Variants in KLHDC10 observed in about 807,000 individuals in gnomAD.
The protein encoded by KLHDC10 is kelch domain containing 10, also known as kelch domain-containing protein 10.
KLHDC10 carries 24 observed loss-of-function variants against 56.1 expected under a neutral mutation model. That is an observed-to-expected ratio of 0.43 (90% CI 0.31 to 0.60). The LOEUF is 0.60. Ranked by LOEUF, KLHDC10 falls within the 20% of genes least tolerant of loss-of-function variation. KLHDC10 has a pLI of 0.11. For missense variants in KLHDC10, 349 were observed against 567.0 expected (o/e 0.62, Z 3.91); for synonymous variants, 188 against 207.1 (o/e 0.91, Z 0.79).
Position 130,133,156 on chromosome 7 carries a change from C to G in KLHDC10, c.*2410C>G, listed in dbSNP as rs1486803881. ...ATGACCAGCACTGAGTGCTATAGAACCACACATGTGTACATGTTCTGGATG... is the reference window on the plus strand; with the variant it reads ...ATGACCAGCACTGAGTGCTATAGAAGCACACATGTGTACATGTTCTGGATG... On this transcript the variant is annotated 3_prime_UTR_variant, in exon 10 of 10. Transcript: ENST00000335420. 6.6e-6 allele frequency: 1 copy of G among 152,170 alleles called. No individual in the cohort carries two copies. The allele number at this position is 152,170 out of a possible 1,614,324, so 9.4% of individuals were successfully genotyped here. A position where few individuals can be genotyped will look rare whatever the true frequency, so the allele number is the denominator to read the frequency against.
In KLHDC10 at chr7:130,072,098, C is replaced by T. The variant is rs548435400; in HGVS notation, c.166+1289C>T. Among the ~76,000 whole-genome samples the T allele has an allele frequency of 2.0e-5, 3 of 152,088 alleles. No homozygotes were observed. In the East Asian group the frequency reaches 5.8e-4, roughly 29 times the overall value. Reference sequence around the variant, plus strand: ...GAATTGCTAAATATACGATCTTTAACATGAAAAAGAAAAAAGGAGCAATCT... The same window carrying T: ...GAATTGCTAAATATACGATCTTTAATATGAAAAAGAAAAAAGGAGCAATCT... On this transcript the variant is annotated intron_variant, in intron 1 of 9. Transcript: ENST00000335420.
intron 2 of KLHDC10, among the ~76,000 whole-genome samples, chr7:130,104,470 T>C (rs1795981497): frequency 6.6e-6 from 1 of 152,216 alleles, no homozygotes; most frequent in African/African-American, 2.4e-5. Context: ...ACTGCAAGCA[T>C]ATATAACATT....
chr7:130,126,161 CA>C (rs200650852), intron 7 of KLHDC10, among the ~76,000 whole-genome samples: 4,266 of 151,792 alleles, frequency 0.028, 197 homozygotes, highest in African/African-American at 0.098. Flanking sequence ...ACAAAAAATA[CA>C]AAAAAATTTG....
chr7:130,125,854 T>G lies in KLHDC10; in HGVS notation c.865-11T>G, dbSNP rs758839706. Reference sequence around the variant, plus strand: ...TTTATGTATGTGTATATGTTCTTTTTTTTCTCCAAGATCCATGCATACAAC... The same window carrying G: ...TTTATGTATGTGTATATGTTCTTTTGTTTCTCCAAGATCCATGCATACAAC... On this transcript the variant is annotated splice_polypyrimidine_tract_variant and intron_variant, in intron 6 of 9. Coordinates refer to ENST00000335420, the MANE Select transcript of KLHDC10 (RefSeq NM_014997.4). 6.3e-7 allele frequency: 1 copy of G among 1,586,422 alleles called. No individual in the cohort carries two copies. The highest frequency in any genetic ancestry group is 2.2e-5 in the East Asian group (1 of 44,560).
chr7:130,103,211 G>A (rs1231546611), intron 2 of KLHDC10, among the ~76,000 whole-genome samples: 2 of 152,088 alleles, frequency 1.3e-5, no homozygotes, highest in African/African-American at 2.4e-5. Flanking sequence ...GAACCACGAG[G>A]CCAGGATTTC....
intron 6 of KLHDC10, 99 bp from the exon 7 acceptor site, chr7:130,125,766 G>A (rs1796307416): frequency 3.2e-6 from 3 of 932,800 alleles, no homozygotes; most frequent in Admixed American, 5.8e-5. Context: ...ACTGAAAACT[G>A]CTTTAAAAAA....
At chr7:130,089,346 C>T (rs2116859320) in intron 1 of KLHDC10, among the ~76,000 whole-genome samples, 1 of 152,154 alleles carries the variant, frequency 6.6e-6, no homozygotes, top group African/African-American at 2.4e-5. Flanking sequence ...TGTTGTCTCC[C>T]TATTGGGAGA....
chr7:130,089,240 T>A (rs994240895), intron 1 of KLHDC10, among the ~76,000 whole-genome samples: 1 of 152,160 alleles, frequency 6.6e-6, no homozygotes, highest in Non-Finnish European at 1.5e-5. Context: ...ATGTCTGTAA[T>A]CTCAGGAGTT....
In KLHDC10 at chr7:130,129,516, G is replaced by A; in HGVS notation, c.1059G>A (p.Trp353Ter). 6.2e-7 allele frequency: 1 copy of A among 1,614,142 alleles called. No homozygotes were observed. Among genetic ancestry groups the A allele is most frequent in the Non-Finnish European group, 8.5e-7 (1 of 1,180,018 alleles). Residue 353 changes from tryptophan to a stop codon, truncating the protein, a stop_gained, in exon 9 of 10, where the codon TGG (tryptophan) becomes TGA (stop). Coordinates refer to ENST00000335420, the MANE Select transcript of KLHDC10 (RefSeq NM_014997.4). LOFTEE classifies it high-confidence loss of function. The stretch of plus-strand genomic sequence containing the variant: ...AGTTGAATCTGCAGACTTTCCAATG[G>A]GTGAAGCTCCCAGCTACCATGCCAG... ...IWKLNLQTFQ[W>*]VKLPATMPEP...
intron 2 of KLHDC10, among the ~76,000 whole-genome samples, chr7:130,105,169 G>T (rs183944864): frequency 3.5e-4 from 53 of 152,278 alleles, no homozygotes; most frequent in African/African-American, 9.9e-4. Flanking sequence ...ATGTAAAGTG[G>T]TACAACCATT....
chr7:130,078,391 TAAAAA>T (rs1483644598), intron 1 of KLHDC10, among the ~76,000 whole-genome samples: 1 of 151,736 alleles, frequency 6.6e-6, no homozygotes, highest in Non-Finnish European at 1.5e-5. Flanking sequence ...AAAAAATAAA[TAAAAA>T]TAAAATAAAA....
chr7:130,115,707 T>A (rs1405445439), intron 2 of KLHDC10, among the ~76,000 whole-genome samples: 2 of 103,656 alleles, frequency 1.9e-5, no homozygotes, highest in Non-Finnish European at 3.9e-5. Context: ...AGAGTGAGAC[T>A]TGGTCTCAAA....
At chr7:130,081,311 T>A (rs147639052) in intron 1 of KLHDC10, among the ~76,000 whole-genome samples, 5,010 of 149,880 alleles carry the variant, frequency 0.033, 100 homozygotes, top group African/African-American at 0.039. Context: ...TTTTATATAT[T>A]TTTTTTTGTT....
intron 1 of KLHDC10, among the ~76,000 whole-genome samples, chr7:130,079,720 TTCCTG>T (rs1795572241): frequency 1.1e-5 from 1 of 92,780 alleles, no homozygotes; most frequent in Non-Finnish European, 2.7e-5. Flanking sequence ...CCTGCCTGCC[TTCCTG>T]CCTTCCTTCC....
chr7:130,123,811 G>A (rs1243119671), intron 5 of KLHDC10, among the ~76,000 whole-genome samples: 1 of 152,158 alleles, frequency 6.6e-6, no homozygotes, highest in African/African-American at 2.4e-5. Flanking sequence ...TCACATGGTT[G>A]CTTTCTTTAA....
In KLHDC10 at chr7:130,116,190, T is replaced by A. The variant is rs1796165264; in HGVS notation, c.254-255T>A. On this transcript the variant is annotated intron_variant, in intron 2 of 9. Transcript: ENST00000335420. The surrounding 1 kb of genome is among the most constrained non-coding windows in gnomAD (Gnocchi z 4.8). The stretch of plus-strand genomic sequence containing the variant: ...ATTTTCTTGAATTTGTCATGCTTTT[T>A]ACAGTTATCAAAATCTGAAGGTAGT... Among the ~76,000 whole-genome samples, 1 of 152,210 alleles carries A rather than the reference T, an allele frequency of 6.6e-6. No homozygotes were observed. The highest frequency in any genetic ancestry group is 2.4e-5 in the African/African-American group (1 of 41,462).
intron 1 of KLHDC10, among the ~76,000 whole-genome samples, chr7:130,080,749 G>A (rs966959505): frequency 3.9e-5 from 6 of 152,078 alleles, no homozygotes; most frequent in African/African-American, 1.2e-4. Context: ...TCTTTTGGGG[G>A]TAGCTTTGAT....
At position 130,129,325 on chromosome 7, in the gene KLHDC10, G is replaced by A; in HGVS notation, c.980-112G>A. The A allele has an allele frequency of 1.2e-5, 14 of 1,207,192 alleles. 1 individual carries two copies. The highest frequency in any genetic ancestry group is 1.7e-5 in the Non-Finnish European group (14 of 848,058). The allele number at this position is 1,207,192 out of a possible 1,614,324, so 74.8% of individuals were successfully genotyped here. On this transcript the variant is annotated intron_variant, in intron 8 of 9. Transcript: ENST00000335420. Reference sequence around the variant, plus strand: ...ACAGCAGAAGTCGTCTGTGTCATGGGGCAATCCACTTCACTGGCCGCATGT... The same window carrying A: ...ACAGCAGAAGTCGTCTGTGTCATGGAGCAATCCACTTCACTGGCCGCATGT...
At chr7:130,128,889 A>AAAAAAATATAT in intron 8 of KLHDC10, among the ~76,000 whole-genome samples, 2 of 66,958 alleles carry the variant, frequency 3.0e-5, no homozygotes, top group African/African-American at 7.3e-5. Context: ...AAAAAAAAAA[A>AAAAAAATATAT]ATATATATAT....
Sources: allele counts gnomAD v4.1 joint callset (sites outside exome capture counted in the v4.1 genomes callset), GRCh38; gene constraint gnomAD v4.1.1; non-coding constraint Gnocchi (gnomAD v3.1); transcripts MANE v1.5; gene names NCBI Gene and HGNC (gene_info 2026-07-23, HGNC 2026-07-21).